The following TRIM66 variants were observed in gnomAD, a reference collection of about 807,000 sequenced individuals.
The protein encoded by TRIM66 is tripartite motif containing 66.
In TRIM66, 99 loss-of-function variants were observed where a neutral mutation model predicts 148.2. That is an observed-to-expected ratio of 0.67 (90% CI 0.57 to 0.79). The LOEUF is 0.79. TRIM66 is among the 30% of genes least tolerant of loss of function. TRIM66 has a pLI of 0.00. For missense variants in TRIM66, 1,666 were observed against 1,697.9 expected (o/e 0.98, Z 0.33); for synonymous variants, 616 against 635.9 (o/e 0.97, Z 0.47).
intron 4 of TRIM66, 71 bp from the exon 5 acceptor site, chr11:8,672,456 T>C (rs2133502721): frequency 7.1e-7 from 1 of 1,409,318 alleles, no homozygotes; most frequent in East Asian, 2.5e-5. Flanking sequence ...CTTTACATAC[T>C]GTATTTCAAA....
chr11:8,653,462 C>G (rs1181187385), intron 6 of TRIM66, among the ~76,000 whole-genome samples: 1 of 152,104 alleles, frequency 6.6e-6, no homozygotes, highest in East Asian at 1.9e-4. Flanking sequence ...GATGAGAGAT[C>G]ATGCAGAGAA....
intron 3 of TRIM66, among the ~76,000 whole-genome samples, chr11:8,676,653 C>G (rs539285558): frequency 6.6e-6 from 1 of 152,336 alleles, no homozygotes; most frequent in African/African-American, 2.4e-5. Context: ...AAAGGCACAG[C>G]CACACAATGA....
chr11:8,673,363 A>C (rs929184392), intron 4 of TRIM66, among the ~76,000 whole-genome samples: 12 of 152,268 alleles, frequency 7.9e-5, no homozygotes, highest in Admixed American at 2.0e-4. Context: ...GATTATCTAC[A>C]TATCTACCAC....
At chr11:8,627,406 T>C (rs1200500161) in intron 15 of TRIM66, among the ~76,000 whole-genome samples, 4 of 152,252 alleles carry the variant, frequency 2.6e-5, no homozygotes, top group African/African-American at 9.6e-5. Flanking sequence ...ATTTATTATA[T>C]GCAAGGCAAT....
chr11:8,668,564 AT>A (rs1484168450), intron 6 of TRIM66, among the ~76,000 whole-genome samples: 3 of 151,784 alleles, frequency 2.0e-5, no homozygotes, highest in Admixed American at 2.0e-4. Flanking sequence ...GGATTCCAAG[AT>A]GGCATATTCC....
chr11:8,626,170 G>T (rs894007717), intron 15 of TRIM66, among the ~76,000 whole-genome samples: 4 of 152,164 alleles, frequency 2.6e-5, no homozygotes, highest in Non-Finnish European at 4.4e-5. Flanking sequence ...GGGAAAAGGA[G>T]GGAGACTGGC....
intron 12 of TRIM66, 78 bp from the exon 13 acceptor site, chr11:8,643,204 A>T: frequency 1.6e-6 from 2 of 1,263,172 alleles, no homozygotes; most frequent in Non-Finnish European, 2.2e-6. Context: ...CTCTTTGGAC[A>T]AGCTGAAAGG....
chr11:8,665,986 C>T (rs1490223040), intron 6 of TRIM66, among the ~76,000 whole-genome samples: 5 of 151,762 alleles, frequency 3.3e-5, no homozygotes, highest in Non-Finnish European at 7.4e-5. Flanking sequence ...CAACTTTTTA[C>T]CCATAAACGT....
intron 15 of TRIM66, among the ~76,000 whole-genome samples, chr11:8,626,233 A>G (rs2034835669): frequency 6.6e-6 from 1 of 152,244 alleles, no homozygotes; most frequent in South Asian, 2.1e-4. Flanking sequence ...CCCTTTAAAA[A>G]AAAGACTAAA....
intron 12 of TRIM66, chr11:8,644,335 T>G: frequency 2.3e-6 from 1 of 430,562 alleles, no homozygotes; most frequent in South Asian, 1.7e-5. Context: ...TCACTTCTTT[T>G]CTTGTCATCT....
chr11:8,629,413 G>C (rs2035180167), intron 15 of TRIM66, among the ~76,000 whole-genome samples: 1 of 152,120 alleles, frequency 6.6e-6, no homozygotes, highest in African/African-American at 2.4e-5. Flanking sequence ...TCTCTTCTTA[G>C]TGAGATCCTT....
At chr11:8,647,720 T>C (rs1422407998) in intron 10 of TRIM66, among the ~76,000 whole-genome samples, 2 of 152,190 alleles carry the variant, frequency 1.3e-5, no homozygotes, top group Non-Finnish European at 2.9e-5. Context: ...TCATAAGGCA[T>C]ATTCTTTGAC....
At position 8,640,480 on chromosome 11, in the gene TRIM66, T is replaced by G. The variant is rs1469174750; in HGVS notation, c.1895A>C (p.His632Pro). The G allele has an allele frequency of 2.2e-6, 3 of 1,354,690 alleles. No individual in the cohort carries two copies. The highest frequency in any genetic ancestry group is 4.7e-5 in the Admixed American group (2 of 42,426). The allele number at this position is 1,354,690 out of a possible 1,614,324, so 83.9% of individuals were successfully genotyped here. ...QPHPPLPPSQ[H>P]LASSQHESPP... ...GCTCTCGTGCTGACTAGAAGCCAGA[T>G]GCTGGGATGGAGGAAGAGGTGGGTG... The change falls in exon 14 of 25, where the codon CAT (histidine) becomes CCT (proline). Residue 632 changes from histidine to proline, a missense_variant. Around this residue, in one of 3 missense-constraint regions of TRIM66, gnomAD observed 1,431 missense variants for 1,412.4 expected, o/e 1.01. Coordinates refer to ENST00000646038, the MANE Select transcript of TRIM66 (RefSeq NM_001388022.1).
chr11:8,640,659 G>A lies in TRIM66; in HGVS notation c.1716C>T (p.Pro572=), dbSNP rs1157045096. The stretch of plus-strand genomic sequence containing the variant: ...CTTGGATAGAGGGTGTCTGTAAGGT[G>A]GGCTGGGCATGGGCTCCTTGCTGAA... ...QDVQQGAHAQ[P]TLQTPSIQVQ... is the part of the protein sequence containing the mutation. Residue 572 remains proline (P), a synonymous_variant, in exon 14 of 25, where the codon CCC becomes CCT. Coordinates refer to ENST00000646038, the MANE Select transcript of TRIM66 (RefSeq NM_001388022.1). The A allele has an allele frequency of 6.4e-7, 1 of 1,551,704 alleles. No homozygotes were observed. The highest frequency in any genetic ancestry group is 2.0e-5 in the Admixed American group (1 of 51,006).
chr11:8,660,240 C>T (rs2038153610), intron 6 of TRIM66, among the ~76,000 whole-genome samples: 1 of 152,152 alleles, frequency 6.6e-6, no homozygotes, highest in Admixed American at 6.5e-5. Flanking sequence ...CCCCACTTCT[C>T]TCCTTCAAGC....
chr11:8,661,080 C>G (rs1451500730), intron 6 of TRIM66, among the ~76,000 whole-genome samples: 1 of 152,162 alleles, frequency 6.6e-6, no homozygotes, highest in East Asian at 1.9e-4. Context: ...AGGGTCAAAG[C>G]TAGAGGATTT....
At chr11:8,621,901 T>C in intron 18 of TRIM66, 82 bp from the exon 19 acceptor site, 8 of 1,324,364 alleles carry the variant, frequency 6.0e-6, no homozygotes, top group Non-Finnish European at 8.0e-6. Context: ...CCATGATCCC[T>C]GTGATGATTA....
chr11:8,644,848 G>C (rs1191386469), intron 12 of TRIM66, among the ~76,000 whole-genome samples: 1 of 152,188 alleles, frequency 6.6e-6, no homozygotes, highest in African/African-American at 2.4e-5. Context: ...AAGATAGCCT[G>C]ATTCCCAGAT....
chr11:8,653,794 AAAAAGAAAAG>A (rs549279953), intron 6 of TRIM66, among the ~76,000 whole-genome samples: 2 of 152,074 alleles, frequency 1.3e-5, no homozygotes, highest in South Asian at 2.1e-4. Context: ...CACCAAAAAA[AAAAAGAAAAG>A]AAAAGAAAAG....
Sources: allele counts gnomAD v4.1 joint callset (sites outside exome capture counted in the v4.1 genomes callset), GRCh38; gene constraint gnomAD v4.1.1; regional missense constraint gnomAD v4.1.1; transcripts MANE v1.5; gene names NCBI Gene and HGNC (gene_info 2026-07-23, HGNC 2026-07-21).